Variants in SI observed in about 807,000 individuals in gnomAD.
The protein encoded by SI is sucrase-isomaltase, intestinal.
In SI, 235 loss-of-function variants were observed where a neutral mutation model predicts 253.3. The observed-to-expected ratio is 0.93, with a 90% CI of 0.83 to 1.03. The LOEUF is 1.03. Among genes scored for constraint, SI ranks in the 50% least tolerant of loss-of-function variants. SI has a pLI of 0.00. For synonymous variants in SI, 819 were observed against 712.0 expected (o/e 1.15, Z -2.39); for missense variants, 2,442 against 2,211.1 (o/e 1.10, Z -2.09).
At chr3:165,000,936 A>T (rs1718230166) in intron 37 of SI, among the ~76,000 whole-genome samples, 1 of 151,308 alleles carries the variant, frequency 6.6e-6, no homozygotes, top group African/African-American at 2.4e-5. Context: ...AATATATTTT[A>T]AAAATTAGAA....
Position 164,991,415 on chromosome 3 carries a change from G to T in SI, c.5046C>A (p.Asn1682Lys). 3 of 1,613,484 alleles carry T rather than the reference G, an allele frequency of 1.9e-6. No homozygotes were observed. The highest frequency in any genetic ancestry group is 2.5e-6 in the Non-Finnish European group (3 of 1,179,522). ...GGATGTGACCACCACGGACATGTAG[G>T]TTTATTGTGTCATAAGAAGCATTAA... ...QTFNASYDTI[N>K]LHVRGGHILP... The change falls in exon 44 of 48, where the codon AAC (asparagine) becomes AAA (lysine). Residue 1682 changes from asparagine to lysine, a missense_variant. Coordinates refer to ENST00000264382, the MANE Select transcript of SI (RefSeq NM_001041.4).
intron 22 of SI, among the ~76,000 whole-genome samples, 174 bp downstream of exon 22, chr3:165,036,215 C>T (rs1209642563): frequency 6.6e-6 from 1 of 151,460 alleles, no homozygotes; most frequent in Non-Finnish European, 1.5e-5. Context: ...ATAGATAAAG[C>T]AAATAACAAT....
intron 7 of SI, among the ~76,000 whole-genome samples, chr3:165,064,626 C>T (rs1264510241): frequency 1.3e-5 from 2 of 151,930 alleles, no homozygotes; most frequent in Non-Finnish European, 2.9e-5. Flanking sequence ...TAAAAACAAA[C>T]ATATACAGGA....
intron 24 of SI, among the ~76,000 whole-genome samples, chr3:165,031,193 G>A (rs1311163187): frequency 6.7e-6 from 1 of 149,426 alleles, no homozygotes; most frequent in Non-Finnish European, 1.5e-5. Flanking sequence ...AATAATGTGA[G>A]CAAGATTTAT....
chr3:165,079,055 C>A (rs771024202), upstream of SI, among the ~76,000 whole-genome samples: 5 of 151,454 alleles, frequency 3.3e-5, no homozygotes, highest in Non-Finnish European at 7.4e-5. Flanking sequence ...ACATTTTTAT[C>A]TATTTATTTA....
the SI span, among the ~76,000 whole-genome samples, chr3:165,088,139 A>T: frequency 6.6e-6 from 1 of 151,920 alleles, no homozygotes; most frequent in African/African-American, 2.4e-5. Flanking sequence ...TGAGGTCAGG[A>T]GTTCAAGACC....
At chr3:164,980,014 T>C (rs1465647817) in intron 47 of SI, among the ~76,000 whole-genome samples, 1 of 151,856 alleles carries the variant, frequency 6.6e-6, no homozygotes, top group Non-Finnish European at 1.5e-5. Context: ...CATAGTTTTA[T>C]GATATGACGA....
At chr3:165,068,926 T>C in intron 4 of SI, 95 bp from the exon 5 acceptor site, 1 of 1,002,962 alleles carries the variant, frequency 1.0e-6, no homozygotes, top group Non-Finnish European at 1.6e-6. Flanking sequence ...CACAAATGAG[T>C]ACTTTTTAAA....
intron 27 of SI, 147 bp from the exon 28 acceptor site, chr3:165,019,917 G>A (rs1719226847): frequency 1.3e-6 from 1 of 748,108 alleles, no homozygotes. Context: ...AATGGAAATA[G>A]ATGATTAATC....
intron 15 of SI, 44 bp from the exon 16 acceptor site, chr3:165,047,056 A>T: frequency 7.0e-7 from 1 of 1,430,750 alleles, no homozygotes; most frequent in South Asian, 1.2e-5. Flanking sequence ...ATTTTAAAAA[A>T]TAAAGTTGGT....
intron 37 of SI, among the ~76,000 whole-genome samples, chr3:165,001,795 C>T (rs1327691148): frequency 2.0e-5 from 3 of 151,242 alleles, no homozygotes; most frequent in Non-Finnish European, 4.4e-5. Flanking sequence ...TTTTCATAGA[C>T]TAGTTTTTGT....
chr3:165,052,965 T>C (rs1713507543), intron 13 of SI, among the ~76,000 whole-genome samples: 2 of 151,940 alleles, frequency 1.3e-5, no homozygotes, highest in Non-Finnish European at 1.5e-5. Flanking sequence ...AGTTTTTTCA[T>C]TGAATAATTT....
chr3:165,087,788 C>T, the SI span, among the ~76,000 whole-genome samples: 32 of 152,224 alleles, frequency 2.1e-4, no homozygotes, highest in Admixed American at 1.5e-3. Context: ...CCCATAAAAA[C>T]GTGGATGGTA....
At chr3:164,990,838 T>G (rs1449724552) in intron 44 of SI, among the ~76,000 whole-genome samples, 1 of 151,900 alleles carries the variant, frequency 6.6e-6, no homozygotes, top group Admixed American at 6.6e-5. Context: ...ACATGGCACA[T>G]GTATACATAT....
At chr3:164,983,205 G>T (rs1559975260) in intron 45 of SI, among the ~76,000 whole-genome samples, 154 bp from the exon 46 acceptor site, 1 of 152,132 alleles carries the variant, frequency 6.6e-6, no homozygotes, top group Non-Finnish European at 1.5e-5. Flanking sequence ...AACTAATTCA[G>T]ATACAATCCA....
chr3:164,988,860 A>T (rs578078525), intron 44 of SI, among the ~76,000 whole-genome samples: 46 of 152,112 alleles, frequency 3.0e-4, no homozygotes, highest in Non-Finnish European at 6.0e-4. Context: ...TGAAGGAGAG[A>T]AACAGAAATC....
At chr3:164,982,192 A>G in intron 47 of SI, 51 bp downstream of exon 47, 1 of 1,380,428 alleles carries the variant, frequency 7.2e-7, no homozygotes, top group Non-Finnish European at 1.0e-6. Flanking sequence ...AAGTCCATGT[A>G]GATGCTTTAA....
At chr3:164,990,338 C>T (rs1559978664) in intron 44 of SI, among the ~76,000 whole-genome samples, 1 of 151,848 alleles carries the variant, frequency 6.6e-6, no homozygotes, top group Non-Finnish European at 1.5e-5. Flanking sequence ...GGGTAAAAAT[C>T]TTGTTGAGGC....
chr3:165,029,855 G>T (rs1045905268), intron 25 of SI, among the ~76,000 whole-genome samples: 1 of 150,152 alleles, frequency 6.7e-6, no homozygotes, highest in Admixed American at 6.7e-5. Flanking sequence ...TTCACTATTT[G>T]ACTTTTATTG....
Sources: gnomAD v4.1 joint callset for allele counts (sites outside exome capture counted in the v4.1 genomes callset) on GRCh38, gnomAD v4.1.1 for gene constraint, MANE v1.5 for transcripts, NCBI Gene and HGNC (gene_info 2026-07-23, HGNC 2026-07-21) for gene names.